PCDHGA7: variants seen among roughly 807,000 people sequenced by gnomAD.
The protein encoded by PCDHGA7 is protocadherin gamma-A7.
PCDHGA7 carries 44 observed loss-of-function variants against 58.3 expected under a neutral mutation model. The observed-to-expected ratio is 0.75, with a 90% CI of 0.59 to 0.97. PCDHGA7 has a LOEUF of 0.97. Among genes scored for constraint, PCDHGA7 ranks in the 50% least tolerant of loss-of-function variants. The probability of loss-of-function intolerance (pLI) is 0.00; values close to 1 mark genes in which losing one functional copy is unlikely to be tolerated. For missense variants in PCDHGA7, 1,266 were observed against 1,188.7 expected, an observed-to-expected ratio of 1.06 and a Z score of -0.96; for synonymous variants, 516 against 504.2, an observed-to-expected ratio of 1.02 and a Z score of -0.31.
In PCDHGA7 at chr5:141,385,087, G is replaced by C; in HGVS notation, c.2188G>C (p.Gly730Arg). The change falls in exon 1 of 4, where the codon GGT (glycine) becomes CGT (arginine). Residue 730 changes from glycine to arginine, a missense_variant. By Grantham distance (125) the Gly-to-Arg change is moderately radical (BLOSUM62 -2). Transcript: ENST00000518325. ...GTCACGCCTGCTGCAGGCTTCAGAA[G>C]GTGGCTTGGCGAACGTGCCCACCTC... is the stretch of plus-strand genomic sequence containing the variant. ...HKSRLLQASE[G>R]GLANVPTSHF... 6.2e-7 allele frequency: 1 copy of C among 1,614,234 alleles called. No homozygotes were observed. The highest frequency in any genetic ancestry group is 8.5e-7 in the Non-Finnish European group (1 of 1,180,050).
chr5:141,385,081 T>G lies in PCDHGA7; in HGVS notation c.2182T>G (p.Ser728Ala). 6.2e-7 allele frequency: 1 copy of G among 1,614,164 alleles called. No individual in the cohort carries two copies. The highest frequency in any genetic ancestry group is 8.5e-7 in the Non-Finnish European group (1 of 1,180,036). ...RWHKSRLLQA[S>A]EGGLANVPTS... ...GCACAAGTCACGCCTGCTGCAGGCT[T>G]CAGAAGGTGGCTTGGCGAACGTGCC... The change falls in exon 1 of 4, where the codon TCA becomes GCA. Residue 728 changes from serine (S) to alanine (A), a missense_variant. Transcript: ENST00000518325.
In PCDHGA7 at chr5:141,485,145, A is replaced by G. The variant is rs766014792; in HGVS notation, c.2425-9662A>G. On this transcript the variant is annotated intron_variant, in intron 1 of 3. Coordinates refer to ENST00000518325, the MANE Select transcript of PCDHGA7 (RefSeq NM_018920.4). The surrounding 1 kb of genome is among the most constrained non-coding windows in gnomAD (Gnocchi z 5.7). Reference sequence around the variant, plus strand: ...GGGTCGGCTTCATCCGCGTCTCAGGAGCAAGTAGAGAATTAGCGGGCGGCA... The same window carrying G: ...GGGTCGGCTTCATCCGCGTCTCAGGGGCAAGTAGAGAATTAGCGGGCGGCA... The G allele has an allele frequency of 4.5e-6, 7 of 1,567,410 alleles. No individual in the cohort carries two copies. Among genetic ancestry groups the G allele is most frequent in the Non-Finnish European group, 6.1e-6 (7 of 1,142,014 alleles).
At chr5:141,478,251 T>C in intron 1 of PCDHGA7, 1 of 1,614,072 alleles carries the variant, frequency 6.2e-7, no homozygotes, top group Non-Finnish European at 8.5e-7. Context: ...GTGTTCGGAG[T>C]AATCATATTC....
chr5:141,399,850 C>T (rs768366007), intron 1 of PCDHGA7: 1 of 1,612,946 alleles, frequency 6.2e-7, no homozygotes, highest in Non-Finnish European at 8.5e-7. Flanking sequence ...CGATATGGTG[C>T]CGCGCGCTGC....
At chr5:141,510,169 A>G (rs927072830) in intron 3 of PCDHGA7, among the ~76,000 whole-genome samples, 7 of 151,230 alleles carry the variant, frequency 4.6e-5, no homozygotes, top group Non-Finnish European at 1.0e-4. Context: ...GCTACTCAGG[A>G]GGTTGAGGCA....
At chr5:141,434,128 G>A (rs1267483739) in intron 1 of PCDHGA7, among the ~76,000 whole-genome samples, 1 of 152,138 alleles carries the variant, frequency 6.6e-6, no homozygotes, top group Non-Finnish European at 1.5e-5. Flanking sequence ...ACTCCCTTTA[G>A]GCTGATTTCT....
chr5:141,482,917 C>CA (rs761402624), intron 1 of PCDHGA7, among the ~76,000 whole-genome samples: 5 of 152,042 alleles, frequency 3.3e-5, no homozygotes, highest in Non-Finnish European at 7.4e-5. Context: ...ATTAAAAATA[C>CA]AAAAAATTAG....
chr5:141,421,709 C>T, intron 1 of PCDHGA7: 1 of 1,613,926 alleles, frequency 6.2e-7, no homozygotes, highest in Non-Finnish European at 8.5e-7. Flanking sequence ...GCTAGGGATC[C>T]AGATGTGGGC....
chr5:141,399,773 G>A (rs750173338), intron 1 of PCDHGA7: 3 of 1,613,302 alleles, frequency 1.9e-6, no homozygotes, highest in Admixed American at 1.7e-5. Flanking sequence ...GTGTTGGTGG[G>A]CGACCGAAAC....
rs891428609 is a variant in PCDHGA7, at chr5:141,503,553, C to T, written c.2484-1840C>T. Among the ~76,000 whole-genome samples the T allele has an allele frequency of 9.4e-5, 14 of 149,164 alleles. No homozygotes were observed. In the East Asian group the frequency reaches 2.2e-3, roughly 23 times the overall value. On this transcript the variant is annotated intron_variant, in intron 2 of 3. Coordinates refer to ENST00000518325, the MANE Select transcript of PCDHGA7 (RefSeq NM_018920.4). ...GGCAGAGGTTGCAGTGAGCCGAGAT[C>T]GCGCCACTGTACTCCAGCCTGGGTG...
chr5:141,486,745 C>T lies in PCDHGA7; in HGVS notation c.2425-8062C>T, dbSNP rs1167986336. On this transcript the variant is annotated intron_variant, in intron 1 of 3. Coordinates refer to ENST00000518325, the MANE Select transcript of PCDHGA7 (RefSeq NM_018920.4). This position sits in a 1 kb window ranked among gnomAD's most constrained non-coding sequence, Gnocchi z 5.0. ...CTGTTCATGCTACTCGATCCTTTGA[C>T]TATGAGCAAACCCAGACACTGCAGT... 3.1e-6 allele frequency: 5 copies of T among 1,614,226 alleles called. No homozygotes were observed. The highest frequency in any genetic ancestry group is 3.4e-6 in the Non-Finnish European group (4 of 1,180,044).
At chr5:141,407,649 G>A (rs541467957) in intron 1 of PCDHGA7, among the ~76,000 whole-genome samples, 1 of 152,050 alleles carries the variant, frequency 6.6e-6, no homozygotes, top group East Asian at 1.9e-4. Flanking sequence ...AAAATAATGG[G>A]GGAGCGCAGT....
chr5:141,403,661 G>C (rs2094439419), intron 1 of PCDHGA7: 1 of 1,613,904 alleles, frequency 6.2e-7, no homozygotes, highest in Non-Finnish European at 8.5e-7. Context: ...GGATACAAAT[G>C]ATAATGCCCC....
Position 141,399,470 on chromosome 5 carries a change from T to C in PCDHGA7, c.2424+14147T>C, listed in dbSNP as rs773359741. 70 of 1,614,018 alleles carry C rather than the reference T, an allele frequency of 4.3e-5. No individual in the cohort carries two copies. The Middle Eastern group carries it at 4.9e-4, about 11-fold the overall frequency. On this transcript the variant is annotated intron_variant, in intron 1 of 3. Coordinates refer to ENST00000518325, the MANE Select transcript of PCDHGA7 (RefSeq NM_018920.4). ...GACGTCAACGATAACGCTCCGGTTT[T>C]CCACCAGGCGTCCTACTTAGTCAGT... is the stretch of plus-strand genomic sequence containing the variant.
At position 141,384,610 on chromosome 5, in the gene PCDHGA7, G is replaced by A; in HGVS notation, c.1711G>A (p.Gly571Ser). ...CCTGTACCCGGCCCTCCCCACAGAT[G>A]GTTCTACTGGCATGGAGCTGGCACC... ...EILYPALPTD[G>S]STGMELAPRS... Residue 571 changes from glycine to serine, a missense_variant, in exon 1 of 4, where the codon GGT becomes AGT. Physicochemically the swap from Gly to Ser is moderately conservative, Grantham distance 56. Coordinates refer to ENST00000518325, the MANE Select transcript of PCDHGA7 (RefSeq NM_018920.4). 6.2e-7 allele frequency: 1 copy of A among 1,614,238 alleles called. No individual in the cohort carries two copies. Among genetic ancestry groups the A allele is most frequent in the Non-Finnish European group, 8.5e-7 (1 of 1,180,038 alleles).
Position 141,415,748 on chromosome 5 carries a change from T to G in PCDHGA7, c.2424+30425T>G, listed in dbSNP as rs1345423849. On this transcript the variant is annotated intron_variant, in intron 1 of 3. Transcript: ENST00000518325. ...ATTTGATGTTTATTAAGGTTTTTTT[T>G]TTTTTTTTTTTTTTTTTTTTTTTTA... is the stretch of plus-strand genomic sequence containing the variant. 87 of 1,008,904 alleles carry G rather than the reference T, an allele frequency of 8.6e-5. No individual in the cohort carries two copies. The Middle Eastern group carries it at 1.2e-3, about 13-fold the overall frequency. 62.5% of individuals were successfully genotyped at this position (1,008,904 alleles called of 1,614,324 possible).
At chr5:141,415,879 T>C (rs1002596454) in intron 1 of PCDHGA7, 1 of 1,003,176 alleles carries the variant, frequency 1.0e-6, no homozygotes, top group African/African-American at 1.7e-5. Context: ...TTGAGTACAA[T>C]ATTGACAATT....
intron 1 of PCDHGA7, chr5:141,410,037 G>A: frequency 1.2e-6 from 2 of 1,613,250 alleles, no homozygotes; most frequent in Non-Finnish European, 1.7e-6. Flanking sequence ...CTGCAGGCCA[G>A]TGAGCCCGGA....
chr5:141,499,677 T>C (rs2099793326), intron 2 of PCDHGA7, among the ~76,000 whole-genome samples: 1 of 151,690 alleles, frequency 6.6e-6, no homozygotes, highest in African/African-American at 2.4e-5. Flanking sequence ...CTCCACCATC[T>C]TTAACAGATG....
Sources: gnomAD v4.1 joint callset for allele counts (sites outside exome capture counted in the v4.1 genomes callset) on GRCh38, gnomAD v4.1.1 for gene constraint, Gnocchi (gnomAD v3.1) non-coding constraint, MANE v1.5 for transcripts, NCBI Gene and HGNC (gene_info 2026-07-23, HGNC 2026-07-21) for gene names.